The following PRR11 variants were observed in gnomAD, a reference collection of about 807,000 sequenced individuals.
PRR11 encodes proline-rich protein 11.
In PRR11, 30 loss-of-function variants were observed where a neutral mutation model predicts 45.6. The ratio of observed to expected loss-of-function variants is 0.66; its 90% CI spans 0.49 to 0.89. PRR11 has a LOEUF of 0.89. Among genes scored for constraint, PRR11 ranks in the 40% least tolerant of loss-of-function variants. PRR11 has a pLI of 0.00. For synonymous variants in PRR11, 128 were observed against 153.5 expected (o/e 0.83, Z 1.23); for missense variants, 373 against 424.8 (o/e 0.88, Z 1.07).
At chr17:59,185,912 AT>A (rs992802252) in intron 4 of PRR11, among the ~76,000 whole-genome samples, 5 of 152,194 alleles carry the variant, frequency 3.3e-5, no homozygotes, top group African/African-American at 1.2e-4. Flanking sequence ...GTTAGTAGAT[AT>A]ATTGTCCAGA....
chr17:59,174,661 A>G (rs933961375), intron 2 of PRR11, among the ~76,000 whole-genome samples: 1 of 152,126 alleles, frequency 6.6e-6, no homozygotes, highest in African/African-American at 2.4e-5. Context: ...AAGCCGGATC[A>G]AGCAATTGGG....
rs2046896686 is a variant in PRR11, at chr17:59,202,341, G to C, written c.*710G>C. ...TTTGGGAGGCCAAGGTGGGAGGATT[G>C]CTTGAGCCCAGGAATTCAAGACTAG... is the stretch of plus-strand genomic sequence containing the variant. On this transcript the variant is annotated 3_prime_UTR_variant, in exon 10 of 10. Transcript: ENST00000262293. The C allele has an allele frequency of 6.6e-6, 1 of 152,166 alleles. No individual in the cohort carries two copies. Among genetic ancestry groups the C allele is most frequent in the Non-Finnish European group, 1.5e-5 (1 of 68,044 alleles). The allele number at this position is 152,166 out of a possible 1,614,324, so 9.4% of individuals were successfully genotyped here. A position where few individuals can be genotyped will look rare whatever the true frequency, so the allele number is the denominator to read the frequency against.
At position 59,195,401 on chromosome 17, in the gene PRR11, C is replaced by A; in HGVS notation, c.815C>A (p.Pro272His). The A allele has an allele frequency of 1.2e-6, 2 of 1,613,822 alleles. No homozygotes were observed. Among genetic ancestry groups the A allele is most frequent in the Non-Finnish European group, 1.7e-6 (2 of 1,179,818 alleles). The change falls in exon 7 of 10, where the codon CCT becomes CAT. Residue 272 changes from proline to histidine, a missense_variant. By Grantham distance (77) the Pro-to-His change is moderately conservative. Coordinates refer to ENST00000262293, the MANE Select transcript of PRR11 (RefSeq NM_018304.4). Reference sequence around the variant, plus strand: ...GACTTGCAGCATGTTACCCTGAAACCTAACTCCAAAGTGTTATCGACTCGA... The same window carrying A: ...GACTTGCAGCATGTTACCCTGAAACATAACTCCAAAGTGTTATCGACTCGA... Reference protein sequence around the residue: ...VSDLQHVTLKPNSKVLSTRVT... With the variant: ...VSDLQHVTLKHNSKVLSTRVT...
At chr17:59,158,152 G>T (rs1421548015) in intron 1 of PRR11, among the ~76,000 whole-genome samples, 1 of 152,178 alleles carries the variant, frequency 6.6e-6, no homozygotes, top group East Asian at 1.9e-4. Flanking sequence ...GAAGGCAGGA[G>T]AATCATTGAA....
At chr17:59,155,941 G>C (rs1440774913) in intron 1 of PRR11, 136 bp downstream of exon 1, 1 of 152,348 alleles carries the variant, frequency 6.6e-6, no homozygotes, top group African/African-American at 2.4e-5. Context: ...AAAGGAGGAA[G>C]GGGAGGTTTG....
intron 2 of PRR11, among the ~76,000 whole-genome samples, chr17:59,178,032 G>C (rs2046758485): frequency 1.3e-5 from 2 of 149,874 alleles, no homozygotes; most frequent in South Asian, 4.2e-4. Flanking sequence ...TGGGCACCAA[G>C]ACTCAAGACT....
Position 59,194,974 on chromosome 17 carries a change from G to A in PRR11, c.744+119G>A, listed in dbSNP as rs112465412. 4.3e-5 allele frequency: 32 copies of A among 746,046 alleles called. 1 individual carries two copies. Among genetic ancestry groups the A allele is most frequent in the African/African-American group, 3.2e-4 (18 of 56,532 alleles). 46.2% of individuals were successfully genotyped at this position (746,046 alleles called of 1,614,324 possible). On this transcript the variant is annotated intron_variant, in intron 6 of 9. Coordinates refer to ENST00000262293, the MANE Select transcript of PRR11 (RefSeq NM_018304.4). ...GGATCACCTGAGCCCAGGAGTTCAGGACCAGCATGGGGAATATGGCAAGAC... is the reference window on the plus strand; with the variant it reads ...GGATCACCTGAGCCCAGGAGTTCAGAACCAGCATGGGGAATATGGCAAGAC...
At chr17:59,164,249 T>G (rs2046668245) in intron 1 of PRR11, among the ~76,000 whole-genome samples, 1 of 152,186 alleles carries the variant, frequency 6.6e-6, no homozygotes, top group African/African-American at 2.4e-5. Flanking sequence ...ACTTTCTGGT[T>G]CTTTACAAAA....
intron 2 of PRR11, chr17:59,174,996 C>T (rs368760739): frequency 3.3e-5 from 25 of 746,624 alleles, no homozygotes; most frequent in South Asian, 1.3e-4. Context: ...AGCCCTCCAG[C>T]GCATGGAACG....
At chr17:59,176,976 C>A (rs915699668) in intron 2 of PRR11, among the ~76,000 whole-genome samples, 12 of 152,016 alleles carry the variant, frequency 7.9e-5, no homozygotes, top group African/African-American at 2.9e-4. Flanking sequence ...GGATTATAGG[C>A]GTGAGCCACC....
At chr17:59,168,933 C>G (rs1311149607) in intron 1 of PRR11, among the ~76,000 whole-genome samples, 1 of 151,872 alleles carries the variant, frequency 6.6e-6, no homozygotes, top group Non-Finnish European at 1.5e-5. Flanking sequence ...GGGATAATAC[C>G]TTGCAGGATA....
intron 1 of PRR11, among the ~76,000 whole-genome samples, chr17:59,159,498 C>G (rs979257535): frequency 3.3e-5 from 5 of 152,188 alleles, no homozygotes; most frequent in Non-Finnish European, 7.3e-5. Flanking sequence ...TGTAAGTGGT[C>G]TCTTTGTCTT....
At chr17:59,172,489 G>A (rs1401503507) in intron 2 of PRR11, among the ~76,000 whole-genome samples, 1 of 152,208 alleles carries the variant, frequency 6.6e-6, no homozygotes, top group African/African-American at 2.4e-5. Context: ...GCCAAGGCCG[G>A]AGCCAGCTCC....
chr17:59,201,554 T>C lies in PRR11; in HGVS notation c.1015-9T>C. On this transcript the variant is annotated splice_polypyrimidine_tract_variant and intron_variant, in intron 9 of 9. Coordinates refer to ENST00000262293, the MANE Select transcript of PRR11 (RefSeq NM_018304.4). ...TTGATATTATAATTGGGACTTTTTT[T>C]TTTTATAGCTGGCTCACCCTAGAAG... The C allele has an allele frequency of 6.2e-7, 1 of 1,609,710 alleles. No individual in the cohort carries two copies.
At chr17:59,174,946 C>G in intron 2 of PRR11, 1 of 958,998 alleles carries the variant, frequency 1.0e-6, no homozygotes, top group Admixed American at 1.9e-5. Context: ...CCACCTACCC[C>G]CACCCCGCCT....
At chr17:59,178,851 T>C (rs2046764201) in intron 2 of PRR11, among the ~76,000 whole-genome samples, 1 of 152,140 alleles carries the variant, frequency 6.6e-6, no homozygotes, top group Admixed American at 6.5e-5. Context: ...CATTTCCTCA[T>C]GAGACAGTCA....
At chr17:59,175,217 G>A (rs11655895) in intron 2 of PRR11, 142 of 434,182 alleles carry the variant, frequency 3.3e-4, no homozygotes, top group Non-Finnish European at 5.4e-4. Context: ...GGCAGGGGAC[G>A]ATCCTCAGCT....
rs2046850804 is a variant in PRR11, at chr17:59,193,717, C to T, written c.628C>T (p.Leu210Phe). 6.2e-7 allele frequency: 1 copy of T among 1,613,870 alleles called. No homozygotes were observed. The highest frequency in any genetic ancestry group is 1.3e-5 in the African/African-American group (1 of 75,042). ...ACCTGTGTTGCTCAGAAAACCCAGT[C>T]TCGCTAAAGCACTTCAGGTAGGTAA... is the stretch of plus-strand genomic sequence containing the variant. The part of the protein sequence containing the change: ...LAPVLLRKPS[L>F]AKALQAGPLK... The change falls in exon 5 of 10, where the codon CTC (leucine) becomes TTC (phenylalanine). Residue 210 changes from leucine to phenylalanine, a missense_variant. Physicochemically the swap from Leu to Phe is conservative, Grantham distance 22. Coordinates refer to ENST00000262293, the MANE Select transcript of PRR11 (RefSeq NM_018304.4).
chr17:59,188,063 G>A (rs562192362), intron 4 of PRR11, among the ~76,000 whole-genome samples: 2 of 152,272 alleles, frequency 1.3e-5, no homozygotes, highest in East Asian at 1.9e-4. Context: ...ACATAGTCAT[G>A]TAATTATACC....
Sources: allele counts gnomAD v4.1 joint callset (sites outside exome capture counted in the v4.1 genomes callset), GRCh38; gene constraint gnomAD v4.1.1; transcripts MANE v1.5; gene names NCBI Gene and HGNC (gene_info 2026-07-23, HGNC 2026-07-21).